JADE1: variants seen among roughly 807,000 people sequenced by gnomAD.
JADE1 encodes the protein jade family PHD finger 1, also known as protein Jade-1.
JADE1 carries 14 observed loss-of-function variants against 81.8 expected under a neutral mutation model. The ratio of observed to expected loss-of-function variants is 0.17; its 90% CI spans 0.11 to 0.27. The LOEUF (loss-of-function observed/expected upper bound fraction) is 0.27. Among genes scored for constraint, JADE1 ranks in the 10% least tolerant of loss-of-function variants. JADE1 has a pLI of 1.00. For missense variants in JADE1, 690 were observed against 1,047.9 expected (o/e 0.66, Z 4.71); for synonymous variants, 353 against 391.9 (o/e 0.90, Z 1.17).
intron 1 of JADE1, among the ~76,000 whole-genome samples, chr4:128,829,956 C>T (rs777936302): frequency 6.6e-6 from 1 of 151,888 alleles, no homozygotes; most frequent in Non-Finnish European, 1.5e-5. Context: ...CCACTCATTC[C>T]AACCTCCGCC....
chr4:128,844,808 A>G (rs1054352203), intron 3 of JADE1, among the ~76,000 whole-genome samples: 5 of 152,190 alleles, frequency 3.3e-5, no homozygotes, highest in Non-Finnish European at 2.9e-5. Context: ...ACTGGGGAAT[A>G]GTCCGTATGG....
At chr4:128,853,215 A>G (rs1050704573) in intron 6 of JADE1, among the ~76,000 whole-genome samples, 12 of 152,156 alleles carry the variant, frequency 7.9e-5, no homozygotes, top group African/African-American at 2.9e-4. Context: ...GTCGTATGGG[A>G]CTAGAGACCC....
intron 2 of JADE1, among the ~76,000 whole-genome samples, chr4:128,835,994 T>C (rs1484383824): frequency 6.6e-6 from 1 of 152,132 alleles, no homozygotes; most frequent in Non-Finnish European, 1.5e-5. Flanking sequence ...GTTGGGGTGT[T>C]TGCAGGCAGC....
Position 128,845,002 on chromosome 4 carries a change from AAG to A in JADE1, c.139-1368_139-1367del, listed in dbSNP as rs377047599. Among the ~76,000 whole-genome samples the A allele has an allele frequency of 1.6e-3, 242 of 152,346 alleles. 3 individuals carry two copies. The highest frequency in any genetic ancestry group is 0.014 in the East Asian group (72 of 5,190). Reference sequence around the variant, plus strand: ...AAGAAAGAACTCCCTGTCCTGAGAAAAGAGAGTTCAGCATTGTGACTTGTGTA... The same window carrying A: ...AAGAAAGAACTCCCTGTCCTGAGAAAAGAGTTCAGCATTGTGACTTGTGTA... On this transcript the variant is annotated intron_variant, in intron 3 of 10. Coordinates refer to ENST00000226319, the MANE Select transcript of JADE1 (RefSeq NM_199320.4).
At chr4:128,833,142 G>A (rs2125829981) in intron 2 of JADE1, among the ~76,000 whole-genome samples, 1 of 152,234 alleles carries the variant, frequency 6.6e-6, no homozygotes, top group South Asian at 2.1e-4. Context: ...GGTATTAAAG[G>A]TCTGTTTCCA....
intron 2 of JADE1, among the ~76,000 whole-genome samples, chr4:128,837,492 A>T (rs1252861465): frequency 6.6e-6 from 1 of 152,148 alleles, no homozygotes; most frequent in Non-Finnish European, 1.5e-5. Flanking sequence ...GGGGTAAAAA[A>T]CTATGGTAGG....
At position 128,874,697 on chromosome 4, in the gene JADE1, C is replaced by A. The variant is rs1217718069; in HGVS notation, c.*2435C>A. Reference sequence around the variant, plus strand: ...AAGCAGCAACCAGCCCAAACACCCACTTGCGTTCTATTAGTATGGAACCAT... The same window carrying A: ...AAGCAGCAACCAGCCCAAACACCCAATTGCGTTCTATTAGTATGGAACCAT... On this transcript the variant is annotated 3_prime_UTR_variant, in exon 11 of 11. Transcript: ENST00000226319. 6.6e-6 allele frequency: 1 copy of A among 152,588 alleles called. No homozygotes were observed. Among genetic ancestry groups the A allele is most frequent in the Admixed American group, 6.5e-5 (1 of 15,272 alleles). 9.5% of individuals were successfully genotyped at this position (152,588 alleles called of 1,614,324 possible).
chr4:128,814,555 TAA>T (rs1726812819), intron 1 of JADE1, among the ~76,000 whole-genome samples: 1 of 151,626 alleles, frequency 6.6e-6, no homozygotes, highest in Admixed American at 6.6e-5. Flanking sequence ...ATACCATCTG[TAA>T]GGATTTTTTC....
At chr4:128,842,310 T>C (rs992469742) in intron 2 of JADE1, among the ~76,000 whole-genome samples, 6 of 147,386 alleles carry the variant, frequency 4.1e-5, no homozygotes, top group Admixed American at 6.7e-5. Flanking sequence ...TTCTTTCTTT[T>C]TTTTTTTTTG....
At chr4:128,811,107 T>C (rs561965113) in intron 1 of JADE1, among the ~76,000 whole-genome samples, 2 of 152,304 alleles carry the variant, frequency 1.3e-5, no homozygotes, top group African/African-American at 2.4e-5. Flanking sequence ...CCAGCAGGCT[T>C]TCCGGGTTGC....
chr4:128,829,934 G>C (rs1728393759), intron 1 of JADE1, among the ~76,000 whole-genome samples: 1 of 151,970 alleles, frequency 6.6e-6, no homozygotes, highest in African/African-American at 2.4e-5. Flanking sequence ...CTGGAGTGCA[G>C]TGGTGTGATC....
chr4:128,865,160 T>A (rs1291315604), intron 9 of JADE1, among the ~76,000 whole-genome samples: 1 of 152,224 alleles, frequency 6.6e-6, no homozygotes, highest in Non-Finnish European at 1.5e-5. Flanking sequence ...GGCTACAGTG[T>A]CCCCTGAACA....
At chr4:128,814,278 A>G (rs1661956991) in intron 1 of JADE1, among the ~76,000 whole-genome samples, 1 of 152,198 alleles carries the variant, frequency 6.6e-6, no homozygotes, top group Non-Finnish European at 1.5e-5. Context: ...GACCTAAAAA[A>G]CAAACTTGGA....
intron 7 of JADE1, among the ~76,000 whole-genome samples, chr4:128,856,115 G>C (rs965009178): frequency 6.6e-6 from 1 of 152,144 alleles, no homozygotes; most frequent in East Asian, 1.9e-4. Flanking sequence ...CACTGTGCCT[G>C]GTCAAGCATG....
At chr4:128,827,676 T>C (rs1243726494) in intron 1 of JADE1, among the ~76,000 whole-genome samples, 4 of 151,920 alleles carry the variant, frequency 2.6e-5, no homozygotes, top group African/African-American at 4.8e-5. Context: ...CCTCATGGGG[T>C]GTAGTTAATT....
At chr4:128,856,349 A>C (rs1730794448) in intron 7 of JADE1, among the ~76,000 whole-genome samples, 1 of 152,130 alleles carries the variant, frequency 6.6e-6, no homozygotes, top group Non-Finnish European at 1.5e-5. Context: ...GTCACTTGGG[A>C]CTGGAAGTTA....
In JADE1 at chr4:128,854,203, G is replaced by A. The variant is rs144783916; in HGVS notation, c.697-1427G>A. Among the ~76,000 whole-genome samples the A allele has an allele frequency of 9.7e-4, 147 of 152,152 alleles. 1 individual carries two copies. The highest frequency in any genetic ancestry group is 6.0e-4 in the Non-Finnish European group (41 of 67,998). ...GCTTGTGCAAGCTCTCACGGTGGAC[G>A]TGTGGCAGAGTTGTAACTTAAGGCT... On this transcript the variant is annotated intron_variant, in intron 6 of 10. Transcript: ENST00000226319.
intron 10 of JADE1, among the ~76,000 whole-genome samples, chr4:128,868,269 C>T (rs1731929408): frequency 6.6e-6 from 1 of 152,124 alleles, no homozygotes; most frequent in Non-Finnish European, 1.5e-5. Flanking sequence ...CGCAAGCTAC[C>T]TCTTGGAATT....
chr4:128,812,774 C>G (rs1256664950), intron 1 of JADE1, among the ~76,000 whole-genome samples: 3 of 152,272 alleles, frequency 2.0e-5, no homozygotes, highest in African/African-American at 7.2e-5. Flanking sequence ...AACGAGAGGG[C>G]TGGCGCCCTG....
Sources: gnomAD v4.1 joint callset for allele counts (sites outside exome capture counted in the v4.1 genomes callset) on GRCh38, gnomAD v4.1.1 for gene constraint, MANE v1.5 for transcripts, NCBI Gene and HGNC (gene_info 2026-07-23, HGNC 2026-07-21) for gene names.